The following MICB variants were observed in gnomAD, a reference collection of about 807,000 sequenced individuals.
MICB encodes the protein MHC class I antigen-related protein B.
In MICB, 27 loss-of-function variants were observed where a neutral mutation model predicts 34.3. The ratio of observed to expected loss-of-function variants is 0.79; its 90% confidence interval spans 0.58 to 1.08. MICB has a LOEUF of 1.08. Ranked by LOEUF, MICB falls within the 50% of genes least tolerant of loss-of-function variation. The pLI, the probability that MICB is intolerant of heterozygous loss-of-function variation, is 0.00. For missense variants in MICB, 426 were observed against 483.1 expected (o/e 0.88, Z 1.11); for synonymous variants, 153 against 187.4 (o/e 0.82, Z 1.50).
rs149586356 is a variant in MICB at position 31,504,538 on chromosome 6, C to T, written c.71-1079C>T. Among the ~76,000 whole-genome samples the T allele has an allele frequency of 3.6e-4, 51 of 140,886 alleles. 1 individual carries two copies. In the East Asian group the frequency reaches 0.011, roughly 30 times the overall value. 92.4% of individuals were successfully genotyped at this position (140,886 alleles called of 152,430 possible). A position where few individuals can be genotyped will look rare whatever the true frequency, so the allele number is the denominator to read the frequency against. ...CCTCCCAAAGTGCTGGAACTACAGG[C>T]TTGAGCCACCACGCCTGGCCTTCTG... On this transcript the variant is annotated intron_variant, in intron 1 of 5. Transcript: ENST00000252229.
intron 5 of MICB, among the ~76,000 whole-genome samples, chr6:31,508,279 C>A (rs1178410677): frequency 6.6e-6 from 1 of 152,196 alleles, no homozygotes; most frequent in Non-Finnish European, 1.5e-5. Context: ...TTCCCTTTCT[C>A]AAGGTGGTCA....
At position 31,507,387 on chromosome 6, in the gene MICB, C is replaced by T; in HGVS notation, c.893-13C>T. 1 of 1,614,032 alleles carries T rather than the reference C, an allele frequency of 6.2e-7. No individual in the cohort carries two copies. Among genetic ancestry groups the T allele is most frequent in the Non-Finnish European group, 8.5e-7 (1 of 1,180,002 alleles). On this transcript the variant is annotated splice_polypyrimidine_tract_variant and intron_variant, in intron 4 of 5. Transcript: ENST00000252229. The surrounding 1 kb of genome is among the most constrained non-coding windows in gnomAD (Gnocchi z 6.0). Reference sequence around the variant, plus strand: ...GCTCTCTGCCCAGTGTATAACAAGTCCCTTTTTTTCAGGGAAGGCGCTGGT... The same window carrying T: ...GCTCTCTGCCCAGTGTATAACAAGTTCCTTTTTTTCAGGGAAGGCGCTGGT...
At position 31,504,254 on chromosome 6, in the gene MICB, C is replaced by CTTTTTT. The variant is rs9281513; in HGVS notation, c.71-1345_71-1340dup. Among the ~76,000 whole-genome samples, 527 of 60,282 alleles carry CTTTTTT rather than the reference C, an allele frequency of 8.7e-3. 10 individuals carry two copies. The highest frequency in any genetic ancestry group is 0.011 in the Non-Finnish European group (394 of 34,578). 39.5% of individuals were successfully genotyped at this position (60,282 alleles called of 152,430 possible). On this transcript the variant is annotated intron_variant, in intron 1 of 5. Coordinates refer to ENST00000252229, the MANE Select transcript of MICB (RefSeq NM_005931.5). The stretch of plus-strand genomic sequence containing the variant: ...TCTGGAAACTAATCTCTCTCTTTTT[C>CTTTTTT]TTTTTTTTTTTTTTTTTTTTTTTGA...
upstream of MICB, among the ~76,000 whole-genome samples, chr6:31,495,307 C>G (rs948449555): frequency 6.6e-6 from 1 of 152,066 alleles, no homozygotes; most frequent in African/African-American, 2.4e-5. Context: ...TTTGCTGGAG[C>G]TGGCACACGG....
upstream of MICB, among the ~76,000 whole-genome samples, chr6:31,495,514 T>G (rs961781386): frequency 2.4e-4 from 36 of 152,106 alleles, no homozygotes; most frequent in Admixed American, 2.2e-3. Flanking sequence ...AAATTATCAG[T>G]GAATGTGTAT....
chr6:31,510,044 G>A lies in MICB; in HGVS notation c.*135G>A. On this transcript the variant is annotated 3_prime_UTR_variant, in exon 6 of 6. Coordinates refer to ENST00000252229, the MANE Select transcript of MICB (RefSeq NM_005931.5). ...TGTTGGATGCTGCAAAGTGTTAGTA[G>A]GTATGAGGTGTTTGCTGCTCTGCCA... 9.5e-7 allele frequency: 1 copy of A among 1,055,820 alleles called. No individual in the cohort carries two copies. The highest frequency in any genetic ancestry group is 2.3e-5 in the South Asian group (1 of 43,864). The allele number at this position is 1,055,820 out of a possible 1,614,324, so 65.4% of individuals were successfully genotyped here.
chr6:31,495,360 T>C (rs1764600493), upstream of MICB, among the ~76,000 whole-genome samples: 1 of 152,126 alleles, frequency 6.6e-6, no homozygotes, highest in South Asian at 2.1e-4. Flanking sequence ...AGGGAAGGGC[T>C]TGGGACCTGT....
chr6:31,509,551 C>A (rs1765545276), intron 5 of MICB, among the ~76,000 whole-genome samples: 1 of 152,122 alleles, frequency 6.6e-6, no homozygotes, highest in Non-Finnish European at 1.5e-5. Context: ...CCTTTCACTC[C>A]CTGCACGGTG....
Position 31,499,526 on chromosome 6 carries a change from C to G in MICB, c.70+1263C>G, listed in dbSNP as rs115842991. Among the ~76,000 whole-genome samples, 404 of 143,458 alleles carry G rather than the reference C, an allele frequency of 2.8e-3. 5 individuals carry two copies. Among genetic ancestry groups the G allele is most frequent in the African/African-American group, 9.8e-3 (379 of 38,778 alleles). The allele number at this position is 143,458 out of a possible 152,430, so 94.1% of individuals were successfully genotyped here. A position where few individuals can be genotyped will look rare whatever the true frequency, so the allele number is the denominator to read the frequency against. On this transcript the variant is annotated intron_variant, in intron 1 of 5. Coordinates refer to ENST00000252229, the MANE Select transcript of MICB (RefSeq NM_005931.5). ...CATTCCCAAATGTCCCTGACTCTAA[C>G]TTTCTGGTGCTGCCTTTTGTCCGGG...
rs16899606 is a variant in MICB, at chr6:31,507,115, C to T, written c.707C>T (p.Thr236Ile). ...RASSFYPRNI[T>I]LTWRQDGVSL... The stretch of plus-strand genomic sequence containing the variant: ...TCCAGCTTCTATCCCCGGAATATCA[C>T]ACTGACCTGGCGTCAGGATGGGGTA... The change falls in exon 4 of 6, where the codon ACA becomes ATA. Residue 236 changes from threonine (T) to isoleucine (I), a missense_variant. Coordinates refer to ENST00000252229, the MANE Select transcript of MICB (RefSeq NM_005931.5). This position sits in a 1 kb window ranked among gnomAD's most constrained non-coding sequence, Gnocchi z 6.0. 37 of 1,614,098 alleles carry T rather than the reference C, an allele frequency of 2.3e-5. No homozygotes were observed. Among genetic ancestry groups the T allele is most frequent in the Non-Finnish European group, 2.9e-5 (34 of 1,179,950 alleles).
At chr6:31,508,600 G>A (rs1210622492) in intron 5 of MICB, among the ~76,000 whole-genome samples, 1 of 152,212 alleles carries the variant, frequency 6.6e-6, no homozygotes, top group Non-Finnish European at 1.5e-5. Flanking sequence ...GTGCAGGTCT[G>A]TGGTCACTCC....
intron 1 of MICB, 29 bp downstream of exon 1, chr6:31,498,292 G>C: frequency 6.6e-7 from 1 of 1,516,798 alleles, no homozygotes; most frequent in African/African-American, 1.4e-5. Flanking sequence ...GGTCCCCGGC[G>C]GAGCGGGAGC....
In MICB at chr6:31,506,197, C is replaced by T. The variant is rs759426491; in HGVS notation, c.380C>T (p.Thr127Ile). The T allele has an allele frequency of 5.9e-5, 96 of 1,614,016 alleles. No homozygotes were observed. Among genetic ancestry groups the T allele is most frequent in the Non-Finnish European group, 7.0e-5 (83 of 1,180,016 alleles). The change falls in exon 3 of 6, where the codon ACC (threonine) becomes ATC (isoleucine). Residue 127 changes from threonine (T) to isoleucine (I), a missense_variant. Physicochemically the swap from Thr to Ile is moderately conservative, Grantham distance 89. Transcript: ENST00000252229. ...RVCEIHEDSS[T>I]RGSRHFYYDG... ...TGTGAGATCCATGAAGACAGCAGCACCAGGGGCTCCCGGCATTTCTACTAC... is the reference window on the plus strand; with the variant it reads ...TGTGAGATCCATGAAGACAGCAGCATCAGGGGCTCCCGGCATTTCTACTAC...
chr6:31,504,719 C>T (rs572075463), intron 1 of MICB, among the ~76,000 whole-genome samples: 3 of 152,180 alleles, frequency 2.0e-5, no homozygotes, highest in East Asian at 1.9e-4. Context: ...TGTGCTTTGG[C>T]GTCATATCCA....
intron 1 of MICB, among the ~76,000 whole-genome samples, chr6:31,502,782 G>C (rs906741537): frequency 3.2e-4 from 48 of 152,228 alleles, no homozygotes; most frequent in African/African-American, 1.1e-3. Flanking sequence ...GTATTGTGTT[G>C]CATAACTGTA....
intron 1 of MICB, among the ~76,000 whole-genome samples, chr6:31,501,539 T>G (rs1182221932): frequency 1.3e-5 from 2 of 152,202 alleles, no homozygotes. Context: ...TCCCCAATGT[T>G]TTCTTTCATA....
intron 2 of MICB, 116 bp downstream of exon 2, chr6:31,505,987 G>A: frequency 6.8e-7 from 1 of 1,480,946 alleles, no homozygotes; most frequent in South Asian, 1.4e-5. Flanking sequence ...TGAGGAATAG[G>A]GTCAGGGAGG....
rs779744460 is a variant in MICB at position 31,506,449 on chromosome 6, G to A, written c.613+19G>A. 2 of 1,608,088 alleles carry A rather than the reference G, an allele frequency of 1.2e-6. No homozygotes were observed. Among genetic ancestry groups the A allele is most frequent in the Non-Finnish European group, 1.7e-6 (2 of 1,176,580 alleles). On this transcript the variant is annotated intron_variant, in intron 3 of 5. Transcript: ENST00000252229. ...AGAACAGGTACCGACCCTGGCCAGG[G>A]GCTCTACTGTTCCCGCAATTCTGCT...
At chr6:31,500,280 A>C in intron 1 of MICB, among the ~76,000 whole-genome samples, 1 of 148,316 alleles carries the variant, frequency 6.7e-6, no homozygotes, top group Non-Finnish European at 1.5e-5. Flanking sequence ...CAGCACCCCC[A>C]CCCCTTGCTT....
Sources: allele counts gnomAD v4.1 joint callset (sites outside exome capture counted in the v4.1 genomes callset), GRCh38; gene constraint gnomAD v4.1.1; non-coding constraint Gnocchi (gnomAD v3.1); transcripts MANE v1.5; gene names NCBI Gene and HGNC (gene_info 2026-07-23, HGNC 2026-07-21).